Variants in STIL observed in about 807,000 individuals in gnomAD.
The protein encoded by STIL is SCL-interrupting locus protein.
STIL carries 55 observed loss-of-function variants against 110.1 expected under a neutral mutation model. The observed-to-expected ratio is 0.50, with a 90% CI of 0.40 to 0.63. STIL has a LOEUF of 0.63. Among genes scored for constraint, STIL ranks in the 20% least tolerant of loss-of-function variants. The pLI is 0.00. For synonymous variants in STIL, 481 were observed against 530.0 expected, an observed-to-expected ratio of 0.91 and a Z score of 1.27; for missense variants, 1,358 against 1,530.0, an observed-to-expected ratio of 0.89 and a Z score of 1.87.
intron 10 of STIL, among the ~76,000 whole-genome samples, chr1:47,285,722 G>A (rs1272326681): frequency 1.3e-5 from 2 of 152,008 alleles, no homozygotes; most frequent in East Asian, 1.9e-4. Context: ...GCCTCCCAAA[G>A]TGCTGGGATT....
chr1:47,261,931 G>C (rs1644499236), intron 15 of STIL, among the ~76,000 whole-genome samples: 1 of 151,282 alleles, frequency 6.6e-6, no homozygotes, highest in Non-Finnish European at 1.5e-5. Context: ...AAAATCTTTT[G>C]AGTAATTCTC....
rs374254032 is a variant in STIL, at chr1:47,297,541, T to C, written c.702-1693A>G. Among the ~76,000 whole-genome samples the C allele has an allele frequency of 9.8e-5, 15 of 152,288 alleles. No individual in the cohort carries two copies. The East Asian group carries it at 1.3e-3, about 14-fold the overall frequency. On this transcript the variant is annotated intron_variant, in intron 6 of 16. Coordinates refer to ENST00000371877, the MANE Select transcript of STIL (RefSeq NM_001048166.1). ...GTCTAACATAATGCCTATGCCATAA[T>C]GGGCCCTAGTAAATATTAGGGTATA...
In STIL at chr1:47,289,888, A is replaced by C. The variant is rs1645426645; in HGVS notation, c.873-303T>G. 6.0e-5 allele frequency among the ~76,000 whole-genome samples: 9 copies of C among 150,530 alleles called. No individual in the cohort carries two copies. In the Admixed American group the frequency reaches 6.0e-4, roughly 10 times the overall value. On this transcript the variant is annotated intron_variant, in intron 8 of 16. Coordinates refer to ENST00000371877, the MANE Select transcript of STIL (RefSeq NM_001048166.1). Reference sequence around the variant, plus strand: ...GGGAGGCGGAGCTTGTAATGAGCCAAGATCGCGCCACTGCACTCCAGCCTG... The same window carrying C: ...GGGAGGCGGAGCTTGTAATGAGCCACGATCGCGCCACTGCACTCCAGCCTG...
chr1:47,258,061 A>G (rs1372616499), intron 16 of STIL, among the ~76,000 whole-genome samples: 1 of 152,258 alleles, frequency 6.6e-6, no homozygotes, highest in Non-Finnish European at 1.5e-5. Flanking sequence ...CTAAGGAAAT[A>G]ATCCTAAAAC....
Position 47,289,496 on chromosome 1 carries a change from C to A in STIL, c.962G>T (p.Gly321Val), listed in dbSNP as rs1346762094. Residue 321 changes from glycine to valine, a missense_variant, in exon 9 of 17, where the codon GGC becomes GTC. Transcript: ENST00000371877. ...PEFYECFPCDGKIPDFRFQLL... is the reference protein window; with the variant it reads ...PEFYECFPCDVKIPDFRFQLL... ...CTGAAACCGAAAGTCAGGTATCTTG[C>A]CATCACAAGGGAAGCATTCATAAAA... The A allele has an allele frequency of 6.2e-7, 1 of 1,613,528 alleles. No individual in the cohort carries two copies. The highest frequency in any genetic ancestry group is 1.7e-5 in the Admixed American group (1 of 59,988).
intron 12 of STIL, among the ~76,000 whole-genome samples, chr1:47,279,510 A>C (rs1223902359): frequency 6.6e-6 from 1 of 152,044 alleles, no homozygotes; most frequent in East Asian, 1.9e-4. Context: ...GATATAATTA[A>C]GACAAAGAAC....
In STIL at chr1:47,265,251, A is replaced by AAAAC. The variant is rs1553170568; in HGVS notation, c.2616-2136_2616-2135insGTTT. 3.4e-5 allele frequency among the ~76,000 whole-genome samples: 5 copies of AAAAC among 148,162 alleles called. 1 individual carries two copies. Among genetic ancestry groups the AAAAC allele is most frequent in the African/African-American group, 7.5e-5 (3 of 40,214 alleles). On this transcript the variant is annotated intron_variant, in intron 14 of 16. Transcript: ENST00000371877. ...ACTCCATCTCCCAAAAAAAAAAAAA[A>AAAAC]AAAAAAAAACACAAGATTGGATATT...
rs1644155881 is a variant in STIL at position 47,250,469 on chromosome 1, A to C, written c.*667T>G. On this transcript the variant is annotated 3_prime_UTR_variant, in exon 17 of 17. Coordinates refer to ENST00000371877, the MANE Select transcript of STIL (RefSeq NM_001048166.1). ...AATTTACCCAACACCATGATAACTT[A>C]TGTTCTTTTAATGATATAGGATAAA... The C allele has an allele frequency of 6.0e-6, 1 of 166,216 alleles. No homozygotes were observed. Among genetic ancestry groups the C allele is most frequent in the African/African-American group, 2.4e-5 (1 of 41,912 alleles). The allele number at this position is 166,216 out of a possible 1,614,324, so 10.3% of individuals were successfully genotyped here.
chr1:47,256,717 A>C (rs975911199), intron 16 of STIL, among the ~76,000 whole-genome samples: 2 of 149,226 alleles, frequency 1.3e-5, no homozygotes, highest in Non-Finnish European at 3.0e-5. Flanking sequence ...AACATCGGCC[A>C]GGCACGGTGG....
chr1:47,279,727 C>CAA (rs11371469), intron 12 of STIL, among the ~76,000 whole-genome samples: 5,776 of 82,524 alleles, frequency 0.07, 647 homozygotes, highest in African/African-American at 0.21. Flanking sequence ...GACTCCGTCT[C>CAA]AAAAAAAAAA....
chr1:47,265,095 G>A (rs910549606), intron 14 of STIL, among the ~76,000 whole-genome samples: 1 of 151,444 alleles, frequency 6.6e-6, no homozygotes, highest in African/African-American at 2.4e-5. Context: ...AATTAGCTGG[G>A]TGTGGTGGCG....
At chr1:47,304,408 C>T (rs1393369411) in intron 3 of STIL, among the ~76,000 whole-genome samples, 2 of 152,176 alleles carry the variant, frequency 1.3e-5, no homozygotes, top group East Asian at 3.8e-4. Context: ...CTCTCCCCGC[C>T]ATAATCTATC....
chr1:47,272,314 A>T, intron 12 of STIL, 73 bp from the exon 13 acceptor site: 1 of 1,504,686 alleles, frequency 6.6e-7, no homozygotes, highest in Non-Finnish European at 9.2e-7. Context: ...TTAATAATGA[A>T]TTACAAAGCG....
intron 12 of STIL, among the ~76,000 whole-genome samples, chr1:47,279,742 A>C (rs1319379301): frequency 6.6e-6 from 1 of 151,468 alleles, no homozygotes; most frequent in Non-Finnish European, 1.5e-5. Flanking sequence ...AAAAAAAAAA[A>C]AAACAACAAA....
chr1:47,271,220 C>A (rs1024340273), intron 13 of STIL, among the ~76,000 whole-genome samples: 2 of 152,082 alleles, frequency 1.3e-5, no homozygotes, highest in Non-Finnish European at 2.9e-5. Context: ...GAGCCATAGG[C>A]ATTCTATAAT....
intron 14 of STIL, 113 bp from the exon 15 acceptor site, chr1:47,263,229 G>C (rs569435709): frequency 1.0e-6 from 1 of 981,338 alleles, no homozygotes; most frequent in African/African-American, 1.6e-5. Flanking sequence ...TGTATTTTTA[G>C]CTCTTAGTGA....
intron 6 of STIL, among the ~76,000 whole-genome samples, chr1:47,299,550 G>A (rs1219227817): frequency 2.0e-5 from 3 of 151,762 alleles, no homozygotes; most frequent in South Asian, 2.1e-4. Context: ...GCACCACCAC[G>A]CTCAGCTAAT....
intron 16 of STIL, among the ~76,000 whole-genome samples, chr1:47,253,718 T>C (rs1644250255): frequency 6.6e-6 from 1 of 152,168 alleles, no homozygotes; most frequent in Non-Finnish European, 1.5e-5. Context: ...TATATTCTAG[T>C]CAAATATGCT....
chr1:47,287,907 AAT>A (rs1645351390), intron 9 of STIL, among the ~76,000 whole-genome samples: 1 of 151,962 alleles, frequency 6.6e-6, no homozygotes, highest in Non-Finnish European at 1.5e-5. Flanking sequence ...TAAAATGACA[AAT>A]ATGTCTCTAA....
Sources: gnomAD v4.1 joint callset for allele counts (sites outside exome capture counted in the v4.1 genomes callset) on GRCh38, gnomAD v4.1.1 for gene constraint, MANE v1.5 for transcripts, NCBI Gene and HGNC (gene_info 2026-07-23, HGNC 2026-07-21) for gene names.